SGCD: variants seen among roughly 807,000 people sequenced by gnomAD.
The protein encoded by SGCD is sarcoglycan delta.
A neutral mutation model predicts 36.6 loss-of-function variants in SGCD; 18 were observed. The observed-to-expected ratio is 0.49, with a 90% confidence interval of 0.34 to 0.73. The LOEUF is 0.73. Among genes scored for constraint, SGCD ranks in the 30% least tolerant of loss-of-function variants. The pLI is 0.01. For missense variants in SGCD, 387 were observed against 346.7 expected (o/e 1.12, Z -0.92); for synonymous variants, 133 against 130.6 (o/e 1.02, Z -0.12).
intron 3 of SGCD, among the ~76,000 whole-genome samples, chr5:156,295,121 G>A (rs1365062927): frequency 1.3e-5 from 2 of 152,068 alleles, no homozygotes; most frequent in African/African-American, 4.8e-5. Flanking sequence ...TTCTTTGTCT[G>A]GAGATTTTGA....
At position 155,916,143 on chromosome 5, in the gene SGCD, G is replaced by A. The variant is rs533200785; in HGVS notation, c.-282+45719G>A. Among the ~76,000 whole-genome samples the A allele has an allele frequency of 3.0e-4, 45 of 152,280 alleles. 1 individual carries two copies. Among genetic ancestry groups the A allele is most frequent in the Non-Finnish European group, 5.7e-4 (39 of 68,018 alleles). On this transcript the variant is annotated intron_variant, in intron 1 of 9. Coordinates refer to the SGCD transcript ENST00000517913. ...TAGACCCACAGTATAAGCAAAGAAA[G>A]TAAGTAATGTTTTGTTGCAATTTCA...
intron 3 of SGCD, among the ~76,000 whole-genome samples, chr5:156,507,518 G>A (rs1054601731): frequency 6.6e-6 from 1 of 152,088 alleles, no homozygotes; most frequent in Admixed American, 6.5e-5. Context: ...TTTGTTATTT[G>A]TTACTGTGAC....
chr5:156,531,191 C>T (rs1757876300), intron 4 of SGCD, among the ~76,000 whole-genome samples: 1 of 152,166 alleles, frequency 6.6e-6, no homozygotes, highest in Non-Finnish European at 1.5e-5. Flanking sequence ...CATAGTATTC[C>T]TCCCTTGGAG....
chr5:156,087,010 G>A (rs1356823856), intron 1 of SGCD, among the ~76,000 whole-genome samples: 1 of 152,172 alleles, frequency 6.6e-6, no homozygotes, highest in Non-Finnish European at 1.5e-5. Context: ...AAGGAAGCCT[G>A]TTGGAGCATT....
chr5:156,328,822 G>A (rs889707683), intron 1 of SGCD, among the ~76,000 whole-genome samples: 1 of 152,092 alleles, frequency 6.6e-6, no homozygotes, highest in Admixed American at 6.5e-5. Context: ...GTAGTTAGAA[G>A]TCAGGATGGA....
At chr5:155,900,478 G>A (rs1756364346) in intron 1 of SGCD, among the ~76,000 whole-genome samples, 1 of 151,612 alleles carries the variant, frequency 6.6e-6, no homozygotes, top group South Asian at 2.1e-4. Flanking sequence ...CAATATGCAG[G>A]TTAGTTACAT....
At chr5:156,194,859 A>T (rs1480690800) in intron 3 of SGCD, among the ~76,000 whole-genome samples, 1 of 152,112 alleles carries the variant, frequency 6.6e-6, no homozygotes, top group Non-Finnish European at 1.5e-5. Flanking sequence ...ATTATAACAT[A>T]AGAACTATAG....
At chr5:156,037,535 C>T (rs1759529039) in intron 1 of SGCD, among the ~76,000 whole-genome samples, 1 of 152,228 alleles carries the variant, frequency 6.6e-6, no homozygotes, top group African/African-American at 2.4e-5. Context: ...AAGTTACCTA[C>T]ACAAACTTAT....
chr5:156,342,754 G>A (rs1175348368), intron 2 of SGCD, among the ~76,000 whole-genome samples: 1 of 152,192 alleles, frequency 6.6e-6, no homozygotes, highest in African/African-American at 2.4e-5. Flanking sequence ...GTGAAAATTT[G>A]CAAGTATACA....
intron 1 of SGCD, among the ~76,000 whole-genome samples, chr5:156,102,722 C>T (rs979375904): frequency 6.6e-6 from 1 of 152,156 alleles, no homozygotes; most frequent in Non-Finnish European, 1.5e-5. Context: ...TTTGTTCTAT[C>T]TCTCTTTCAT....
chr5:156,422,464 T>A (rs776521297), intron 3 of SGCD, among the ~76,000 whole-genome samples: 81 of 152,186 alleles, frequency 5.3e-4, no homozygotes, highest in Admixed American at 1.6e-3. Context: ...TATAATTGAT[T>A]GCAGCAGCAT....
chr5:156,048,518 A>C (rs1441443738), intron 1 of SGCD, among the ~76,000 whole-genome samples: 1 of 152,152 alleles, frequency 6.6e-6, no homozygotes, highest in Non-Finnish European at 1.5e-5. Flanking sequence ...TGCCATTCTA[A>C]CTGGTGGGAG....
intron 1 of SGCD, among the ~76,000 whole-genome samples, chr5:156,062,651 A>T (rs1561702056): frequency 3.4e-5 from 1 of 29,020 alleles, no homozygotes; most frequent in Non-Finnish European, 5.8e-5. Flanking sequence ...GATATCTCAT[A>T]GTGGTTTTGA....
At chr5:156,273,187 T>TC (rs1212343716) in intron 3 of SGCD, among the ~76,000 whole-genome samples, 1 of 152,192 alleles carries the variant, frequency 6.6e-6, no homozygotes, top group Non-Finnish European at 1.5e-5. Flanking sequence ...TACCCCCACA[T>TC]CATCACCTAG....
At chr5:156,269,469 C>CACAAA (rs1766100918) in intron 3 of SGCD, among the ~76,000 whole-genome samples, 3 of 30,474 alleles carry the variant, frequency 9.8e-5, no homozygotes, top group East Asian at 2.6e-3. Context: ...GACTCCGTCT[C>CACAAA]AAAAAAAAAA....
At chr5:156,644,128 C>T (rs1763142292) in intron 6 of SGCD, among the ~76,000 whole-genome samples, 1 of 152,160 alleles carries the variant, frequency 6.6e-6, no homozygotes. Context: ...TAAAAGAACG[C>T]TTCTTGAAAT....
the SGCD span, among the ~76,000 whole-genome samples, chr5:155,840,256 TC>T: frequency 7.3e-5 from 11 of 150,428 alleles, no homozygotes; most frequent in African/African-American, 1.7e-4. Context: ...TTTTTTTTTT[TC>T]TTTTGAGCCG....
At chr5:156,463,977 A>G (rs1422715009) in intron 3 of SGCD, among the ~76,000 whole-genome samples, 2 of 152,108 alleles carry the variant, frequency 1.3e-5, no homozygotes, top group Non-Finnish European at 2.9e-5. Context: ...GAACAAAACA[A>G]AGCTGCTCAG....
chr5:155,990,257 C>G (rs192801998), intron 1 of SGCD, among the ~76,000 whole-genome samples: 3 of 152,060 alleles, frequency 2.0e-5, no homozygotes, highest in Non-Finnish European at 4.4e-5. Context: ...AAAAACATAC[C>G]TGTTTTATTT....
Sources: allele counts gnomAD v4.1 joint callset (sites outside exome capture counted in the v4.1 genomes callset), GRCh38; gene constraint gnomAD v4.1.1; transcripts MANE v1.5; gene names NCBI Gene and HGNC (gene_info 2026-07-23, HGNC 2026-07-21).